CAMKMT: variants seen among roughly 807,000 people sequenced by gnomAD.
The protein encoded by CAMKMT is calmodulin-lysine N-methyltransferase.
CAMKMT carries 53 observed loss-of-function variants against 48.0 expected under a neutral mutation model. That is an observed-to-expected ratio of 1.10 (90% CI 0.89 to 1.39). The LOEUF (loss-of-function observed/expected upper bound fraction) is 1.39. CAMKMT is among the 40% of genes most tolerant of loss of function. The probability of loss-of-function intolerance (pLI) is 0.00; values close to 1 mark genes in which losing one functional copy is unlikely to be tolerated. For missense variants in CAMKMT, 428 were observed against 402.7 expected (o/e 1.06, Z -0.54); for synonymous variants, 165 against 152.3 (o/e 1.08, Z -0.61).
At chr2:44,518,345 C>A (rs1670936493) in intron 3 of CAMKMT, among the ~76,000 whole-genome samples, 1 of 152,036 alleles carries the variant, frequency 6.6e-6, no homozygotes, top group Non-Finnish European at 1.5e-5. Context: ...TTATTGGTTT[C>A]TGTACACCTT....
At chr2:44,717,842 T>TA (rs200492421) in intron 7 of CAMKMT, among the ~76,000 whole-genome samples, 6,003 of 131,834 alleles carry the variant, frequency 0.046, 125 homozygotes, top group Admixed American at 0.067. Context: ...AAATGGTATT[T>TA]AAAAAAAAAA....
At chr2:44,678,815 C>A (rs1019175027) in intron 3 of CAMKMT, among the ~76,000 whole-genome samples, 2 of 152,086 alleles carry the variant, frequency 1.3e-5, no homozygotes, top group African/African-American at 4.8e-5. Context: ...AAAGTGGGAG[C>A]CCCTGGTATT....
chr2:44,528,331 A>G (rs1666282904), intron 3 of CAMKMT, among the ~76,000 whole-genome samples: 1 of 152,160 alleles, frequency 6.6e-6, no homozygotes, highest in African/African-American at 2.4e-5. Context: ...TTATATTAGA[A>G]AAATTTAAAA....
Position 44,758,062 on chromosome 2 carries a change from G to A in CAMKMT, c.762+3944G>A, listed in dbSNP as rs563367623. On this transcript the variant is annotated intron_variant, in intron 9 of 10. Coordinates refer to ENST00000378494, the MANE Select transcript of CAMKMT (RefSeq NM_024766.5). ...GAGGATTGCCTACCTGGATGAAGAT[G>A]ACACTTTACTATAGACGGTCCCCAC... is the stretch of plus-strand genomic sequence containing the variant. Among the ~76,000 whole-genome samples the A allele has an allele frequency of 3.3e-5, 5 of 152,344 alleles. No homozygotes were observed. In the South Asian group the frequency reaches 1.0e-3, roughly 32 times the overall value.
At chr2:44,467,922 A>G (rs1261658101) in intron 3 of CAMKMT, among the ~76,000 whole-genome samples, 1 of 152,214 alleles carries the variant, frequency 6.6e-6, no homozygotes, top group Non-Finnish European at 1.5e-5. Flanking sequence ...GTATGGGAGA[A>G]ATGCTTCAGG....
chr2:44,742,551 C>T (rs1679736785), intron 7 of CAMKMT, among the ~76,000 whole-genome samples: 1 of 152,120 alleles, frequency 6.6e-6, no homozygotes, highest in African/African-American at 2.4e-5. Context: ...AGGAGTGGCT[C>T]AGTAGGAACG....
intron 3 of CAMKMT, among the ~76,000 whole-genome samples, chr2:44,611,811 A>T (rs1457366570): frequency 6.6e-6 from 1 of 151,900 alleles, no homozygotes; most frequent in Non-Finnish European, 1.5e-5. Flanking sequence ...GGTGAAGGGG[A>T]GCAGGCACAT....
chr2:44,750,358 TGTTG>T (rs911785565), intron 8 of CAMKMT, among the ~76,000 whole-genome samples: 1 of 152,166 alleles, frequency 6.6e-6, no homozygotes, highest in Non-Finnish European at 1.5e-5. Flanking sequence ...GATTTCACTA[TGTTG>T]GTCAGGCTGG....
chr2:44,713,801 A>G (rs1417709029), intron 6 of CAMKMT, among the ~76,000 whole-genome samples: 6 of 152,158 alleles, frequency 3.9e-5, no homozygotes, highest in African/African-American at 1.4e-4. Context: ...CTGGTGGTTC[A>G]AGCAGAGATT....
intron 3 of CAMKMT, among the ~76,000 whole-genome samples, chr2:44,611,241 G>A (rs1226208553): frequency 1.3e-5 from 2 of 152,108 alleles, no homozygotes; most frequent in African/African-American, 4.8e-5. Flanking sequence ...AGACCAACCT[G>A]GCCAACATGG....
At chr2:44,363,698 T>TA (rs1404714447) in intron 1 of CAMKMT, among the ~76,000 whole-genome samples, 1 of 150,224 alleles carries the variant, frequency 6.7e-6, no homozygotes, top group Non-Finnish European at 1.5e-5. Flanking sequence ...CTTTTTTTTT[T>TA]TTTTTTTTCG....
intron 3 of CAMKMT, among the ~76,000 whole-genome samples, chr2:44,433,683 C>T: frequency 6.6e-6 from 1 of 152,100 alleles, no homozygotes; most frequent in Non-Finnish European, 1.5e-5. Context: ...ATATGAATGA[C>T]TTGGTATAGC....
intron 3 of CAMKMT, among the ~76,000 whole-genome samples, chr2:44,450,826 T>G (rs956223703): frequency 6.6e-6 from 1 of 152,184 alleles, no homozygotes; most frequent in Non-Finnish European, 1.5e-5. Flanking sequence ...ATTTAAAAAT[T>G]GATTTAATAG....
intron 10 of CAMKMT, among the ~76,000 whole-genome samples, chr2:44,768,361 A>ATATATATATATATATATATATATAT (rs35058824): frequency 2.6e-5 from 3 of 115,742 alleles, no homozygotes; most frequent in African/African-American, 1.1e-4. Flanking sequence ...ATATATATAT[A>ATATATATATATATATATATATATAT]TTTTTTTTTT....
At chr2:44,686,407 A>C (rs1676340735) in intron 3 of CAMKMT, among the ~76,000 whole-genome samples, 1 of 150,100 alleles carries the variant, frequency 6.7e-6, no homozygotes, top group South Asian at 2.1e-4. Context: ...AAAAAAAAAA[A>C]CAAAACAAAA....
At chr2:44,375,073 G>A (rs1432608928) in intron 2 of CAMKMT, among the ~76,000 whole-genome samples, 1 of 152,120 alleles carries the variant, frequency 6.6e-6, no homozygotes, top group African/African-American at 2.4e-5. Context: ...CAAGGCTGCA[G>A]TGAGCCATAA....
intron 3 of CAMKMT, among the ~76,000 whole-genome samples, chr2:44,594,869 A>G (rs917690298): frequency 2.0e-5 from 3 of 152,218 alleles, no homozygotes; most frequent in Admixed American, 6.5e-5. Flanking sequence ...ATCAGAGTGA[A>G]CAGGCAACCT....
chr2:44,474,221 G>A (rs916145813), intron 3 of CAMKMT, among the ~76,000 whole-genome samples: 8 of 152,042 alleles, frequency 5.3e-5, no homozygotes, highest in Non-Finnish European at 8.8e-5. Flanking sequence ...CGAGGCAGGC[G>A]GATCACCTGA....
intron 9 of CAMKMT, among the ~76,000 whole-genome samples, chr2:44,757,628 A>G (rs1056592800): frequency 4.0e-5 from 6 of 151,100 alleles, no homozygotes; most frequent in Middle Eastern, 3.2e-3. Context: ...CAGTGGTGCA[A>G]TCTCAGCTTA....
Sources: allele counts gnomAD v4.1 joint callset (sites outside exome capture counted in the v4.1 genomes callset), GRCh38; gene constraint gnomAD v4.1.1; transcripts MANE v1.5; gene names NCBI Gene and HGNC (gene_info 2026-07-23, HGNC 2026-07-21).